Variants in CMIP observed in about 807,000 individuals in gnomAD.
CMIP encodes the protein C-Maf-inducing protein.
In CMIP, 13 loss-of-function variants were observed where a neutral mutation model predicts 97.3. The observed-to-expected ratio is 0.13, with a 90% CI of 0.09 to 0.21. The LOEUF is 0.21. Among genes scored for constraint, CMIP ranks in the 10% least tolerant of loss-of-function variants. The pLI, the probability that CMIP is intolerant of heterozygous loss-of-function variation, is 1.00. For missense variants in CMIP, 847 were observed against 1,024.9 expected (o/e 0.83, Z 2.37); for synonymous variants, 538 against 436.3 (o/e 1.23, Z -2.91).
intron 15 of CMIP, among the ~76,000 whole-genome samples, chr16:81,701,335 C>A (rs927334245): frequency 6.6e-6 from 1 of 152,194 alleles, no homozygotes; most frequent in African/African-American, 2.4e-5. Flanking sequence ...GTCTTAACTT[C>A]TGGCCTTTCC....
chr16:81,672,903 A>G (rs1352752103), intron 9 of CMIP, among the ~76,000 whole-genome samples: 1 of 152,180 alleles, frequency 6.6e-6, no homozygotes, highest in Non-Finnish European at 1.5e-5. Flanking sequence ...TGTGTGCTTG[A>G]CACAATTTCA....
At chr16:81,634,815 G>A (rs1421733105) in intron 3 of CMIP, among the ~76,000 whole-genome samples, 1 of 152,172 alleles carries the variant, frequency 6.6e-6, no homozygotes, top group Non-Finnish European at 1.5e-5. Context: ...AAGGATGGAG[G>A]CTTCCAAACA....
intron 1 of CMIP, among the ~76,000 whole-genome samples, chr16:81,583,100 T>A (rs1390267941): frequency 1.3e-5 from 2 of 152,258 alleles, no homozygotes; most frequent in Non-Finnish European, 2.9e-5. Context: ...ACTCAGAGGG[T>A]AAGCTCTGGC....
At chr16:81,451,532 T>A (rs1222696154) in intron 1 of CMIP, among the ~76,000 whole-genome samples, 1 of 152,236 alleles carries the variant, frequency 6.6e-6, no homozygotes, top group Non-Finnish European at 1.5e-5. Context: ...TATTTTGATG[T>A]TCTTTTGCTT....
intron 1 of CMIP, among the ~76,000 whole-genome samples, chr16:81,494,773 C>A (rs1012628580): frequency 6.6e-6 from 1 of 152,222 alleles, no homozygotes; most frequent in Non-Finnish European, 1.5e-5. Context: ...GTAACTGATA[C>A]CCTTGTCCCC....
At chr16:81,546,053 C>T (rs756880140) in intron 1 of CMIP, among the ~76,000 whole-genome samples, 11 of 152,146 alleles carry the variant, frequency 7.2e-5, no homozygotes, top group Non-Finnish European at 1.6e-4. Flanking sequence ...TGTTGGAGAA[C>T]ATCACAGCCA....
chr16:81,663,002 C>A (rs920270772), intron 6 of CMIP, among the ~76,000 whole-genome samples: 8 of 151,942 alleles, frequency 5.3e-5, no homozygotes, highest in Non-Finnish European at 1.2e-4. Flanking sequence ...CCTGTCAGAA[C>A]GCCTATGTGT....
At chr16:81,580,736 G>T (rs1302165802) in intron 1 of CMIP, among the ~76,000 whole-genome samples, 1 of 151,086 alleles carries the variant, frequency 6.6e-6, no homozygotes, top group East Asian at 2.0e-4. Flanking sequence ...GCTCCTGGTT[G>T]CAGTGAGCCG....
At chr16:81,470,766 G>C (rs1907475491) in intron 1 of CMIP, among the ~76,000 whole-genome samples, 1 of 152,228 alleles carries the variant, frequency 6.6e-6, no homozygotes, top group Non-Finnish European at 1.5e-5. Context: ...CCAAAATTGG[G>C]ATTTTGTAAG....
intron 1 of CMIP, among the ~76,000 whole-genome samples, chr16:81,544,560 C>T (rs1029780361): frequency 4.0e-5 from 6 of 151,790 alleles, no homozygotes; most frequent in African/African-American, 1.5e-4. Context: ...TATCTTGGAG[C>T]CTAAGGACTT....
intron 1 of CMIP, among the ~76,000 whole-genome samples, chr16:81,554,323 T>C (rs1054116663): frequency 2.0e-5 from 3 of 152,230 alleles, no homozygotes; most frequent in African/African-American, 7.2e-5. Context: ...TGAGCTCATT[T>C]AATGCAAGGA....
chr16:81,508,196 C>T (rs2089745762), intron 1 of CMIP, among the ~76,000 whole-genome samples: 1 of 152,224 alleles, frequency 6.6e-6, no homozygotes. Flanking sequence ...ATATGATGCA[C>T]AGCTCAGGAA....
intron 2 of CMIP, among the ~76,000 whole-genome samples, chr16:81,615,484 G>T (rs974058479): frequency 4.2e-5 from 6 of 144,140 alleles, no homozygotes; most frequent in Admixed American, 1.4e-4. Context: ...TGTGTGTGTG[G>T]TGTGTGTGTG....
rs550580877 is a variant in CMIP, at chr16:81,694,911, G to A, written c.1530+1424G>A. Among the ~76,000 whole-genome samples, 8 of 152,304 alleles carry A rather than the reference G, an allele frequency of 5.3e-5. No homozygotes were observed. In the East Asian group the frequency reaches 1.5e-3, roughly 29 times the overall value. ...TGGATATGGTGCTTTTAAATGTCAG[G>A]GACCAGTGAGTGTCTCCATTTTTCT... On this transcript the variant is annotated intron_variant, in intron 13 of 20. Transcript: ENST00000537098.
chr16:81,456,469 G>A (rs567853648), intron 1 of CMIP, among the ~76,000 whole-genome samples: 3 of 152,264 alleles, frequency 2.0e-5, no homozygotes, highest in South Asian at 2.1e-4. Flanking sequence ...AGCAAGGGCC[G>A]AATCACCAGC....
In CMIP at chr16:81,529,754, A is replaced by G. The variant is rs78545059; in HGVS notation, c.301-77813A>G. 7.1e-4 allele frequency among the ~76,000 whole-genome samples: 108 copies of G among 152,304 alleles called. 1 individual carries two copies. The East Asian group carries it at 0.02, about 29-fold the overall frequency. ...CTTGCAATTCCCGGCTTTAAGATGG[A>G]GGAAGGAGCCACCAGCCAAGGAATG... On this transcript the variant is annotated intron_variant, in intron 1 of 20. Transcript: ENST00000537098.
intron 9 of CMIP, among the ~76,000 whole-genome samples, chr16:81,673,600 G>C (rs865953635): frequency 1.9e-4 from 29 of 152,346 alleles, no homozygotes; most frequent in African/African-American, 6.7e-4. Flanking sequence ...TGTGCCCCAG[G>C]AGGCCGTGCG....
intron 1 of CMIP, among the ~76,000 whole-genome samples, chr16:81,563,362 G>A (rs1206817725): frequency 6.6e-6 from 1 of 152,210 alleles, no homozygotes; most frequent in East Asian, 1.9e-4. Context: ...GTGGACTCCA[G>A]GCAAGTCACA....
intron 1 of CMIP, among the ~76,000 whole-genome samples, chr16:81,598,073 T>C (rs1244614084): frequency 6.6e-6 from 1 of 152,074 alleles, no homozygotes; most frequent in East Asian, 1.9e-4. Context: ...TCCTCATCTG[T>C]GTGGTTTTTA....
Sources: allele counts gnomAD v4.1 joint callset (sites outside exome capture counted in the v4.1 genomes callset), GRCh38; gene constraint gnomAD v4.1.1; transcripts MANE v1.5; gene names NCBI Gene and HGNC (gene_info 2026-07-23, HGNC 2026-07-21).